MIGA1: variants seen among roughly 807,000 people sequenced by gnomAD.
The protein encoded by MIGA1 is family with sequence similarity 73, member A.
In MIGA1, 58 loss-of-function variants were observed where a neutral mutation model predicts 82.0. The observed-to-expected ratio is 0.71, with a 90% confidence interval of 0.57 to 0.88. MIGA1 has a LOEUF of 0.88. MIGA1 is among the 40% of genes least tolerant of loss of function. MIGA1 has a pLI of 0.00. For missense variants in MIGA1, 751 were observed against 749.1 expected, an observed-to-expected ratio of 1.00 and a Z score of -0.03; for synonymous variants, 249 against 253.6, an observed-to-expected ratio of 0.98 and a Z score of 0.17.
At chr1:77,846,132 T>C (rs891546281) in intron 8 of MIGA1, among the ~76,000 whole-genome samples, 5 of 152,040 alleles carry the variant, frequency 3.3e-5, no homozygotes. Context: ...TAGCAGTCAC[T>C]CTCCAACTCC....
chr1:77,828,462 G>A (rs1398173058), intron 7 of MIGA1, among the ~76,000 whole-genome samples: 1 of 152,200 alleles, frequency 6.6e-6, no homozygotes, highest in Non-Finnish European at 1.5e-5. Flanking sequence ...GGATAGACAA[G>A]ATGGGTATCA....
In MIGA1 at chr1:77,875,766, GTC is replaced by G. The variant is rs1361667136; in HGVS notation, c.*706_*707del. 1 of 152,014 alleles carries G rather than the reference GTC, an allele frequency of 6.6e-6. No homozygotes were observed. The highest frequency in any genetic ancestry group is 2.4e-5 in the African/African-American group (1 of 41,386). The allele number at this position is 152,014 out of a possible 1,614,324, so 9.4% of individuals were successfully genotyped here. On this transcript the variant is annotated 3_prime_UTR_variant, in exon 16 of 16. Coordinates refer to ENST00000370791, the MANE Select transcript of MIGA1 (RefSeq NM_198549.4). ...GCCTGGACAACATAAGGAGATGCCT[GTC>G]TCTACAAAAACATAAAAATAAATTA...
chr1:77,825,838 G>A (rs1570965432), intron 7 of MIGA1, among the ~76,000 whole-genome samples: 1 of 152,080 alleles, frequency 6.6e-6, no homozygotes, highest in African/African-American at 2.4e-5. Flanking sequence ...TTAAGAATAT[G>A]GGCTTTGGAG....
chr1:77,863,773 T>TA, intron 12 of MIGA1, 121 bp from the exon 13 acceptor site: 6 of 671,004 alleles, frequency 8.9e-6, no homozygotes, highest in Non-Finnish European at 1.4e-5. Flanking sequence ...TTTTATTTTT[T>TA]ATTTTTGAAT....
intron 5 of MIGA1, chr1:77,811,409 C>T: frequency 1.3e-6 from 2 of 1,589,280 alleles, no homozygotes; most frequent in Non-Finnish European, 1.7e-6. Context: ...TTCTCTTCTT[C>T]ACCAGGTGCC....
chr1:77,858,188 A>C (rs1685334229), intron 8 of MIGA1, among the ~76,000 whole-genome samples: 1 of 152,158 alleles, frequency 6.6e-6, no homozygotes, highest in Non-Finnish European at 1.5e-5. Flanking sequence ...CTTTACTAAA[A>C]ATACAAAAAT....
chr1:77,827,742 A>G (rs973012524), intron 7 of MIGA1, among the ~76,000 whole-genome samples: 9 of 152,176 alleles, frequency 5.9e-5, no homozygotes, highest in African/African-American at 1.9e-4. Context: ...ATTTTCCTCT[A>G]CCTGGTTAAT....
At chr1:77,856,488 T>A (rs897176921) in intron 8 of MIGA1, among the ~76,000 whole-genome samples, 9 of 152,182 alleles carry the variant, frequency 5.9e-5, no homozygotes, top group African/African-American at 2.2e-4. Flanking sequence ...AATTCTCCTG[T>A]GAATCCATCT....
chr1:77,870,978 C>A (rs1265997210), intron 14 of MIGA1, among the ~76,000 whole-genome samples: 2 of 150,362 alleles, frequency 1.3e-5, no homozygotes, highest in African/African-American at 4.9e-5. Flanking sequence ...CGCAGGCACT[C>A]GGCAGGCTGA....
At chr1:77,849,900 T>A (rs1322348540) in intron 8 of MIGA1, among the ~76,000 whole-genome samples, 3 of 151,934 alleles carry the variant, frequency 2.0e-5, no homozygotes, top group Non-Finnish European at 2.9e-5. Context: ...GCCAGTGTGG[T>A]GGCACACGCC....
chr1:77,795,656 T>C (rs886888775), intron 2 of MIGA1, among the ~76,000 whole-genome samples: 16 of 149,590 alleles, frequency 1.1e-4, no homozygotes, highest in Admixed American at 4.0e-4. Flanking sequence ...TTTGGAGAGA[T>C]TCTCACTCTG....
rs79394563 is a variant in MIGA1, at chr1:77,875,154, T to C, written c.*90T>C. 2 of 1,043,252 alleles carry C rather than the reference T, an allele frequency of 1.9e-6. No individual in the cohort carries two copies. The highest frequency in any genetic ancestry group is 1.6e-5 in the African/African-American group (1 of 62,094). 64.6% of individuals were successfully genotyped at this position (1,043,252 alleles called of 1,614,324 possible). ...AACATATATTACAAAGTTAACAGAA[T>C]TGATGCATGTGGATTCAGGGAGGAA... is the stretch of plus-strand genomic sequence containing the variant. On this transcript the variant is annotated 3_prime_UTR_variant, in exon 16 of 16. Coordinates refer to ENST00000370791, the MANE Select transcript of MIGA1 (RefSeq NM_198549.4).
rs1205368572 is a variant in MIGA1 at position 77,807,002 on chromosome 1, TGC to T, written c.541_542del (p.Ala181LeufsTer5). 6.2e-7 allele frequency: 1 copy of T among 1,612,512 alleles called. No homozygotes were observed. Among genetic ancestry groups the T allele is most frequent in the Non-Finnish European group, 8.5e-7 (1 of 1,178,834 alleles). On this transcript the variant is annotated frameshift_variant, in exon 5 of 16. Coordinates refer to ENST00000370791, the MANE Select transcript of MIGA1 (RefSeq NM_198549.4). LOFTEE classifies it high-confidence loss of function. ...CCAGAGTGTCAATTCTTGTCATAGCTGCGCTTGTGGCAATTCTAATTCCTGGG... is the reference window on the plus strand; with the variant it reads ...CCAGAGTGTCAATTCTTGTCATAGCTGCTTGTGGCAATTCTAATTCCTGGG...
chr1:77,876,826 G>A lies in MIGA1; in HGVS notation c.*1762G>A, dbSNP rs1646897392. On this transcript the variant is annotated 3_prime_UTR_variant, in exon 16 of 16. Transcript: ENST00000370791. ...CAAATGAATTGTTTTTATGGGTGGAGTTCTTCTATAAGAGTATATTAAATG... is the reference window on the plus strand; with the variant it reads ...CAAATGAATTGTTTTTATGGGTGGAATTCTTCTATAAGAGTATATTAAATG... The A allele has an allele frequency of 1.3e-5, 2 of 152,144 alleles. No homozygotes were observed. Among genetic ancestry groups the A allele is most frequent in the Admixed American group, 1.3e-4 (2 of 15,280 alleles). The allele number at this position is 152,144 out of a possible 1,614,324, so 9.4% of individuals were successfully genotyped here. A position where few individuals can be genotyped will look rare whatever the true frequency, so the allele number is the denominator to read the frequency against.
chr1:77,869,349 C>T (rs961280190), intron 14 of MIGA1, among the ~76,000 whole-genome samples: 6 of 148,154 alleles, frequency 4.0e-5, no homozygotes, highest in Non-Finnish European at 7.5e-5. Flanking sequence ...CTTCTATCCA[C>T]ACAGACCCGG....
chr1:77,815,496 A>G (rs1038926740), intron 7 of MIGA1, among the ~76,000 whole-genome samples: 8 of 152,164 alleles, frequency 5.3e-5, no homozygotes, highest in African/African-American at 1.9e-4. Context: ...GAAAAAATCT[A>G]GTTAAGAGTG....
At chr1:77,851,610 A>G (rs1338133608) in intron 8 of MIGA1, among the ~76,000 whole-genome samples, 1 of 152,200 alleles carries the variant, frequency 6.6e-6, no homozygotes. Context: ...TAATGATTTA[A>G]ATAAATGTTT....
chr1:77,862,926 G>T (rs1337575081), intron 12 of MIGA1, among the ~76,000 whole-genome samples: 1 of 150,036 alleles, frequency 6.7e-6, no homozygotes, highest in Non-Finnish European at 1.5e-5. Flanking sequence ...GGGTGACAGA[G>T]CAAGACTCTG....
At chr1:77,832,841 T>TG in intron 7 of MIGA1, among the ~76,000 whole-genome samples, 1 of 152,338 alleles carries the variant, frequency 6.6e-6, no homozygotes. Flanking sequence ...AGTCTGGAAG[T>TG]GTGGCTGGCA....
Sources: allele counts gnomAD v4.1 joint callset (sites outside exome capture counted in the v4.1 genomes callset), GRCh38; gene constraint gnomAD v4.1.1; transcripts MANE v1.5; gene names NCBI Gene and HGNC (gene_info 2026-07-23, HGNC 2026-07-21).